CNTNAP5: variants seen among roughly 807,000 people sequenced by gnomAD.
The protein encoded by CNTNAP5 is contactin-associated protein-like 5.
A neutral mutation model predicts 150.2 loss-of-function variants in CNTNAP5; 72 were observed. The observed-to-expected ratio is 0.48, with a 90% confidence interval of 0.40 to 0.58. CNTNAP5 has a LOEUF of 0.58. Among genes scored for constraint, CNTNAP5 ranks in the 20% least tolerant of loss-of-function variants. The probability of loss-of-function intolerance (pLI) is 0.00; values close to 1 mark genes in which losing one functional copy is unlikely to be tolerated. For synonymous variants in CNTNAP5, 672 were observed against 619.8 expected, an observed-to-expected ratio of 1.08 and a Z score of -1.25; for missense variants, 1,636 against 1,626.2, an observed-to-expected ratio of 1.01 and a Z score of -0.10.
At chr2:124,317,815 C>T (rs1189450671) in intron 3 of CNTNAP5, among the ~76,000 whole-genome samples, 1 of 152,010 alleles carries the variant, frequency 6.6e-6, no homozygotes, top group East Asian at 1.9e-4. Flanking sequence ...CGTAGGTGCA[C>T]CCTTAAAGTA....
At chr2:124,201,376 G>A (rs1685722896) in intron 1 of CNTNAP5, among the ~76,000 whole-genome samples, 1 of 152,206 alleles carries the variant, frequency 6.6e-6, no homozygotes, top group African/African-American at 2.4e-5. Context: ...CGAAAAAGAA[G>A]GAGAAGCAGC....
At chr2:124,396,020 A>G (rs1271676622) in intron 3 of CNTNAP5, among the ~76,000 whole-genome samples, 4 of 152,218 alleles carry the variant, frequency 2.6e-5, no homozygotes, top group African/African-American at 9.6e-5. Flanking sequence ...ACAAGACTGC[A>G]TGTAATGTGT....
rs138437046 is a variant in CNTNAP5 at position 124,037,029 on chromosome 2, G to A, written c.82+11297G>A. 1.0e-3 allele frequency among the ~76,000 whole-genome samples: 159 copies of A among 152,332 alleles called. 1 individual carries two copies. Among genetic ancestry groups the A allele is most frequent in the African/African-American group, 3.5e-3 (146 of 41,578 alleles). On this transcript the variant is annotated intron_variant, in intron 1 of 23. Transcript: ENST00000682447. ...TAATCCAGGGTGAGAAAACCCTCAT[G>A]TGTCTAGACCCACAGATTCTGCCCC...
chr2:124,786,089 A>G (rs72847359), intron 17 of CNTNAP5, among the ~76,000 whole-genome samples: 24,082 of 151,702 alleles, frequency 0.16, 2,084 homozygotes, highest in African/African-American at 0.2. Context: ...AAATAAACAA[A>G]TAATAAAAAT....
intron 14 of CNTNAP5, among the ~76,000 whole-genome samples, chr2:124,753,797 T>G (rs1680780158): frequency 6.6e-6 from 1 of 152,238 alleles, no homozygotes; most frequent in South Asian, 2.1e-4. Flanking sequence ...TTTATACATA[T>G]GTCAACACAT....
chr2:124,133,321 G>T (rs1320875200), intron 1 of CNTNAP5, among the ~76,000 whole-genome samples: 1 of 152,008 alleles, frequency 6.6e-6, no homozygotes, highest in African/African-American at 2.4e-5. Flanking sequence ...AAAAAAAAAG[G>T]TCTATGAGAG....
intron 3 of CNTNAP5, among the ~76,000 whole-genome samples, chr2:124,306,480 T>C (rs1042442762): frequency 2.6e-5 from 4 of 152,188 alleles, no homozygotes; most frequent in Non-Finnish European, 5.9e-5. Context: ...TGGCCAGGAA[T>C]ATGACCTATG....
At chr2:124,614,934 T>A (rs1325080722) in intron 12 of CNTNAP5, among the ~76,000 whole-genome samples, 1 of 152,110 alleles carries the variant, frequency 6.6e-6, no homozygotes, top group African/African-American at 2.4e-5. Context: ...CATATAAAAG[T>A]TATGTTTACA....
intron 19 of CNTNAP5, among the ~76,000 whole-genome samples, chr2:124,864,961 T>C (rs979665577): frequency 2.6e-5 from 4 of 152,114 alleles, no homozygotes; most frequent in Admixed American, 2.6e-4. Context: ...TAGGAAGTGG[T>C]AGGAATTGAA....
At chr2:124,074,032 T>A (rs1404484056) in intron 1 of CNTNAP5, among the ~76,000 whole-genome samples, 1 of 152,160 alleles carries the variant, frequency 6.6e-6, no homozygotes, top group East Asian at 1.9e-4. Context: ...TTCTGTCATT[T>A]GCAACAATAT....
Position 124,747,375 on chromosome 2 carries a change from A to G in CNTNAP5, c.2224A>G (p.Lys742Glu). The G allele has an allele frequency of 6.2e-7, 1 of 1,613,786 alleles. No individual in the cohort carries two copies. Among genetic ancestry groups the G allele is most frequent in the Non-Finnish European group, 8.5e-7 (1 of 1,179,742 alleles). ...GCACTTTTGCAATTGCGACGCTGACAAGGATGAATGGTAATGAGAATCTCC... is the reference window on the plus strand; with the variant it reads ...GCACTTTTGCAATTGCGACGCTGACGAGGATGAATGGTAATGAGAATCTCC... ...IQHFCNCDAD[K>E]DEWTNDTGFL... Residue 742 changes from lysine (K) to glutamate (E), a missense_variant, in exon 14 of 24, where the codon AAG becomes GAG. By Grantham distance (56) the Lys-to-Glu change is moderately conservative. Coordinates refer to ENST00000682447, the MANE Select transcript of CNTNAP5 (RefSeq NM_001367498.1).
At chr2:124,866,492 A>G (rs981737877) in intron 20 of CNTNAP5, among the ~76,000 whole-genome samples, 1 of 152,128 alleles carries the variant, frequency 6.6e-6, no homozygotes, top group African/African-American at 2.4e-5. Context: ...GAGGGTGCTG[A>G]TCCCACCTGG....
chr2:124,115,648 C>CTTTTT (rs10666342), intron 1 of CNTNAP5, among the ~76,000 whole-genome samples: 2 of 123,722 alleles, frequency 1.6e-5, no homozygotes, highest in East Asian at 2.5e-4. Flanking sequence ...GTATAATAGT[C>CTTTTT]TTTTTTTTTT....
intron 18 of CNTNAP5, among the ~76,000 whole-genome samples, chr2:124,795,279 C>T (rs1174850033): frequency 6.6e-6 from 1 of 150,810 alleles, no homozygotes; most frequent in Admixed American, 6.6e-5. Context: ...TCCAAGTCTA[C>T]AGGCCCCATG....
At chr2:124,849,248 G>A (rs1683108235) in intron 19 of CNTNAP5, among the ~76,000 whole-genome samples, 1 of 151,996 alleles carries the variant, frequency 6.6e-6, no homozygotes, top group Admixed American at 6.6e-5. Context: ...TTTACATTGT[G>A]TATTCTTGCT....
rs902674224 is a variant in CNTNAP5 at position 124,255,486 on chromosome 2, G to A, written c.381+13093G>A. Among the ~76,000 whole-genome samples, 6 of 150,622 alleles carry A rather than the reference G, an allele frequency of 4.0e-5. No homozygotes were observed. The South Asian group carries it at 6.2e-4, about 16-fold the overall frequency. ...CTGCAGTTAGCCGAGATCACGCCAC[G>A]GCACTCTAGCCTGGGCAACAGAGCG... is the stretch of plus-strand genomic sequence containing the variant. On this transcript the variant is annotated intron_variant, in intron 3 of 23. Transcript: ENST00000682447.
chr2:124,523,172 C>A (rs919739418), intron 8 of CNTNAP5, among the ~76,000 whole-genome samples: 6 of 152,050 alleles, frequency 3.9e-5, no homozygotes, highest in Admixed American at 1.3e-4. Flanking sequence ...ATATGACTGC[C>A]CACATATGAT....
intron 2 of CNTNAP5, among the ~76,000 whole-genome samples, chr2:124,227,166 T>C (rs1348921869): frequency 1.3e-5 from 2 of 152,148 alleles, no homozygotes; most frequent in Non-Finnish European, 2.9e-5. Flanking sequence ...GTGCTGGGCA[T>C]TTCTCCACTC....
At chr2:124,606,361 GT>G (rs1697106371) in intron 11 of CNTNAP5, among the ~76,000 whole-genome samples, 1 of 142,328 alleles carries the variant, frequency 7.0e-6, no homozygotes, top group African/African-American at 3.0e-5. Flanking sequence ...TAGATAACTT[GT>G]AAAAGTAAAA....
Sources: allele counts gnomAD v4.1 joint callset (sites outside exome capture counted in the v4.1 genomes callset), GRCh38; gene constraint gnomAD v4.1.1; transcripts MANE v1.5; gene names NCBI Gene and HGNC (gene_info 2026-07-23, HGNC 2026-07-21).